The following ORC1 variants were observed in gnomAD, a reference collection of about 807,000 sequenced individuals.
ORC1 encodes the protein origin recognition complex subunit 1.
Under a neutral mutation model 98.9 loss-of-function variants are expected in ORC1, and 61 were observed. The observed-to-expected ratio is 0.62, with a 90% CI of 0.50 to 0.76. The LOEUF is 0.76. Ranked by LOEUF, ORC1 falls within the 30% of genes least tolerant of loss-of-function variation. The pLI, the probability that ORC1 is intolerant of heterozygous loss-of-function variation, is 0.00. For missense variants in ORC1, 979 were observed against 1,072.2 expected (o/e 0.91, Z 1.21); for synonymous variants, 385 against 406.9 (o/e 0.95, Z 0.65).
At position 52,388,445 on chromosome 1, in the gene ORC1, C is replaced by G. The variant is rs773252423; in HGVS notation, c.1380G>C (p.Lys460Asn). Reference protein sequence around the residue: ...SLHTLTKVPKKSLKPRTPRCA... With the variant: ...SLHTLTKVPKNSLKPRTPRCA... The stretch of plus-strand genomic sequence containing the variant: ...AGTAAACCTAGAAGAACCTTACACT[C>G]TTCTTTGGCACCTTCGTGAGGGTAT... Residue 460 changes from lysine to asparagine, a missense_variant, in exon 8 of 17, where the codon AAG becomes AAC. Lys to Asn is a moderately conservative substitution (Grantham distance 94). Coordinates refer to ENST00000371568, the MANE Select transcript of ORC1 (RefSeq NM_004153.4). 3 of 1,613,748 alleles carry G rather than the reference C, an allele frequency of 1.9e-6. No individual in the cohort carries two copies. The highest frequency in any genetic ancestry group is 2.2e-5 in the East Asian group (1 of 44,888).
At chr1:52,374,722 T>C in intron 16 of ORC1, 88 bp downstream of exon 16, 2 of 873,462 alleles carry the variant, frequency 2.3e-6, no homozygotes, top group Admixed American at 2.0e-5. Flanking sequence ...TGGCACAAAA[T>C]AGAGTGTCAC....
At chr1:52,375,288 T>G in intron 15 of ORC1, 142 bp downstream of exon 15, 1 of 788,578 alleles carries the variant, frequency 1.3e-6, no homozygotes, top group Non-Finnish European at 2.2e-6. Context: ...CCTAGGGTTA[T>G]ATTTCTGTTT....
intron 6 of ORC1, among the ~76,000 whole-genome samples, chr1:52,390,768 T>C (rs1164045813): frequency 2.6e-5 from 4 of 151,828 alleles, no homozygotes; most frequent in Admixed American, 1.3e-4. Context: ...GGCAGGTGCC[T>C]GTAATCTCAG....
At chr1:52,405,731 A>G (rs1409443714), upstream of ORC1, 1 of 1,614,066 alleles carries the variant, frequency 6.2e-7, no homozygotes, top group African/African-American at 1.3e-5. Context: ...GGTGGCGTCT[A>G]TGGTGGCAAC....
chr1:52,378,640 G>C lies in ORC1; in HGVS notation c.2133+3002C>G, dbSNP rs118011626. 9.2e-3 allele frequency among the ~76,000 whole-genome samples: 1,394 copies of C among 151,578 alleles called. 64 individuals carry two copies. The East Asian group carries it at 0.12, about 13-fold the overall frequency. The stretch of plus-strand genomic sequence containing the variant: ...GATTGTGCTGCTGCACTCCAGCCTG[G>C]GTCACAGAGCAAGACTGTCTCAAAA... On this transcript the variant is annotated intron_variant, in intron 14 of 16. Transcript: ENST00000371568.
chr1:52,392,571 A>G lies in ORC1; in HGVS notation c.1082+872T>C, dbSNP rs1647241295. Among the ~76,000 whole-genome samples, 8 of 152,198 alleles carry G rather than the reference A, an allele frequency of 5.3e-5. No individual in the cohort carries two copies. In the South Asian group the frequency reaches 1.7e-3, roughly 32 times the overall value. The stretch of plus-strand genomic sequence containing the variant: ...CCACTCCTGGGTATCTACCCAAAGG[A>G]AAAGAAGTCATTATATTAAAAAAAA... On this transcript the variant is annotated intron_variant, in intron 6 of 16. Coordinates refer to ENST00000371568, the MANE Select transcript of ORC1 (RefSeq NM_004153.4).
chr1:52,382,345 T>C (rs542611910), intron 13 of ORC1, among the ~76,000 whole-genome samples: 1 of 152,160 alleles, frequency 6.6e-6, no homozygotes, highest in East Asian at 1.9e-4. Context: ...TCAGAATCAT[T>C]TGGAAGTAGA....
At chr1:52,376,981 G>A (rs79383782) in intron 14 of ORC1, among the ~76,000 whole-genome samples, 152 of 152,248 alleles carry the variant, frequency 1.0e-3, no homozygotes, top group African/African-American at 3.5e-3. Context: ...CTTGACCTTG[G>A]TGCTAGGTGG....
rs1469027193 is a variant in ORC1 at position 52,381,630 on chromosome 1, C to G, written c.2133+12G>C. 1.2e-6 allele frequency: 2 copies of G among 1,611,728 alleles called. No homozygotes were observed. The highest frequency in any genetic ancestry group is 2.2e-5 in the South Asian group (2 of 90,938). Reference sequence around the variant, plus strand: ...TGTGCTGACTGATTTATGGGTGCAGCTGGTGACTTACCTTCCTGGCTACCA... The same window carrying G: ...TGTGCTGACTGATTTATGGGTGCAGGTGGTGACTTACCTTCCTGGCTACCA... On this transcript the variant is annotated intron_variant, in intron 14 of 16. Transcript: ENST00000371568.
At chr1:52,381,277 GA>G (rs1647065816) in intron 14 of ORC1, among the ~76,000 whole-genome samples, 1 of 152,134 alleles carries the variant, frequency 6.6e-6, no homozygotes, top group South Asian at 2.1e-4. Flanking sequence ...CTTCTTCAGA[GA>G]AGAAAACTGA....
chr1:52,397,698 A>G lies in ORC1; in HGVS notation c.389T>C (p.Ile130Thr), dbSNP rs1160628744. Reference protein sequence around the residue: ...CDSNINAETIIGLVRVIPLAP... With the variant: ...CDSNINAETITGLVRVIPLAP... ...GGCATCACCTACCCGAACAAGGCCA[A>G]TGATGGTCTCCGCATTAATGTTGCT... The change falls in exon 4 of 17, where the codon ATT becomes ACT. Residue 130 changes from isoleucine (I) to threonine (T), a missense_variant. Coordinates refer to ENST00000371568, the MANE Select transcript of ORC1 (RefSeq NM_004153.4). 1.2e-5 allele frequency: 19 copies of G among 1,614,046 alleles called. No individual in the cohort carries two copies. Among genetic ancestry groups the G allele is most frequent in the Non-Finnish European group, 9.3e-6 (11 of 1,180,018 alleles).
At position 52,388,618 on chromosome 1, in the gene ORC1, T is replaced by C. The variant is rs572356769; in HGVS notation, c.1207A>G (p.Ser403Gly). The change falls in exon 8 of 17, where the codon AGT (serine) becomes GGT (glycine). Residue 403 changes from serine (S) to glycine (G), a missense_variant. Physicochemically the swap from Ser to Gly is moderately conservative, Grantham distance 56. Coordinates refer to ENST00000371568, the MANE Select transcript of ORC1 (RefSeq NM_004153.4). ...AGAATCTCTTTCTCTTCTTGGTCAC[T>C]TTTACTATTACCTAGAAACCTGAAT... ...QQLRFLGNSK[S>G]DQEEKEILPA... 6.2e-7 allele frequency: 1 copy of C among 1,613,820 alleles called. No homozygotes were observed. Among genetic ancestry groups the C allele is most frequent in the Non-Finnish European group, 8.5e-7 (1 of 1,179,850 alleles).
chr1:52,405,001 C>A, upstream of ORC1: 1 of 1,239,398 alleles, frequency 8.1e-7, no homozygotes, highest in Non-Finnish European at 1.1e-6. Context: ...GTCGATCATT[C>A]AGAAAAATTT....
intron 9 of ORC1, among the ~76,000 whole-genome samples, chr1:52,385,646 G>C (rs1448868188): frequency 6.6e-6 from 1 of 152,202 alleles, no homozygotes; most frequent in East Asian, 1.9e-4. Context: ...AGTCCTCCCA[G>C]GGCCTGTCCA....
At chr1:52,380,520 A>G (rs1050223241) in intron 14 of ORC1, among the ~76,000 whole-genome samples, 7 of 152,092 alleles carry the variant, frequency 4.6e-5, no homozygotes, top group African/African-American at 1.7e-4. Context: ...ACATGGCAAA[A>G]CCCCATCTCT....
At chr1:52,400,127 T>TA (rs1343419324) in intron 3 of ORC1, among the ~76,000 whole-genome samples, 2 of 152,200 alleles carry the variant, frequency 1.3e-5, no homozygotes, top group Non-Finnish European at 2.9e-5. Context: ...TTTTTCTCCA[T>TA]ACTTCTAAGT....
chr1:52,381,900 G>T, intron 13 of ORC1, 139 bp from the exon 14 acceptor site: 2 of 806,444 alleles, frequency 2.5e-6, no homozygotes. Flanking sequence ...GACTACCACT[G>T]CCTTTACTGA....
chr1:52,392,407 A>C (rs973628440), intron 6 of ORC1, among the ~76,000 whole-genome samples: 2 of 152,000 alleles, frequency 1.3e-5, no homozygotes, highest in South Asian at 2.1e-4. Context: ...GGATTACAGG[A>C]GTGAGCCACC....
At chr1:52,391,791 A>G (rs778059823) in intron 6 of ORC1, among the ~76,000 whole-genome samples, 22 of 151,660 alleles carry the variant, frequency 1.5e-4, no homozygotes, top group Non-Finnish European at 2.9e-4. Flanking sequence ...CCAGCTACTC[A>G]GGAGGTTGAG....
Sources: gnomAD v4.1 joint callset for allele counts (sites outside exome capture counted in the v4.1 genomes callset) on GRCh38, gnomAD v4.1.1 for gene constraint, MANE v1.5 for transcripts, NCBI Gene and HGNC (gene_info 2026-07-23, HGNC 2026-07-21) for gene names.